Variants in TMEM242 observed in about 807,000 individuals in gnomAD.
TMEM242 encodes the protein UPF0463 transmembrane protein C6orf35.
A neutral mutation model predicts 18.2 loss-of-function variants in TMEM242; 10 were observed. That is an observed-to-expected ratio of 0.55 (90% CI 0.34 to 0.93). The LOEUF (loss-of-function observed/expected upper bound fraction) is 0.93. TMEM242 is among the 40% of genes least tolerant of loss of function. The pLI is 0.02. For missense variants in TMEM242, 186 were observed against 175.5 expected, an observed-to-expected ratio of 1.06 and a Z score of -0.34; for synonymous variants, 57 against 69.9, an observed-to-expected ratio of 0.81 and a Z score of 0.92.
chr6:157,300,921 A>C (rs782548157), intron 3 of TMEM242, among the ~76,000 whole-genome samples: 8 of 152,204 alleles, frequency 5.3e-5, no homozygotes, highest in Non-Finnish European at 1.2e-4. Flanking sequence ...AAATCAGATT[A>C]TTGACCAAAG....
Position 157,321,906 on chromosome 6 carries a change from C to G in TMEM242, c.189+799G>C, listed in dbSNP as rs193028566. Among the ~76,000 whole-genome samples the G allele has an allele frequency of 3.6e-3, 555 of 152,208 alleles. 1 individual carries two copies. The highest frequency in any genetic ancestry group is 0.01 in the Middle Eastern group (3 of 294). The stretch of plus-strand genomic sequence containing the variant: ...ATAGAGAGAAAATGACCCACAAGGT[C>G]CATAGCAGTGATTTAGGAAGCTCCA... On this transcript the variant is annotated intron_variant, in intron 2 of 3. Coordinates refer to ENST00000400788, the MANE Select transcript of TMEM242 (RefSeq NM_018452.6).
At chr6:157,294,505 T>C (rs994898449) in intron 3 of TMEM242, among the ~76,000 whole-genome samples, 16 of 151,340 alleles carry the variant, frequency 1.1e-4, no homozygotes, top group African/African-American at 3.9e-4. Flanking sequence ...CGCCCGCCAC[T>C]ACGCCCGGCT....
At chr6:157,302,459 C>T (rs1011387126) in intron 3 of TMEM242, among the ~76,000 whole-genome samples, 4 of 152,186 alleles carry the variant, frequency 2.6e-5, no homozygotes, top group Non-Finnish European at 4.4e-5. Flanking sequence ...TTCTTTCTAT[C>T]GTTTGAACCT....
intron 3 of TMEM242, among the ~76,000 whole-genome samples, chr6:157,307,585 G>C (rs1336117796): frequency 6.6e-6 from 1 of 152,168 alleles, no homozygotes; most frequent in Non-Finnish European, 1.5e-5. Flanking sequence ...GTCCACATAT[G>C]CATCAAGTGC....
chr6:157,298,339 A>T (rs587757800), intron 3 of TMEM242, among the ~76,000 whole-genome samples: 1 of 152,214 alleles, frequency 6.6e-6, no homozygotes, highest in African/African-American at 2.4e-5. Flanking sequence ...GGCCAAACAA[A>T]CAACAGTAAC....
intron 3 of TMEM242, among the ~76,000 whole-genome samples, chr6:157,317,489 G>T (rs1554250452): frequency 6.6e-6 from 1 of 152,170 alleles, no homozygotes; most frequent in Non-Finnish European, 1.5e-5. Flanking sequence ...GAGTCCCCAA[G>T]AGTTCCTTCC....
At chr6:157,312,774 G>A (rs1469321669) in intron 3 of TMEM242, among the ~76,000 whole-genome samples, 30 of 4,826 alleles carry the variant, frequency 6.2e-3, no homozygotes, top group Admixed American at 8.4e-3. Context: ...CACAGTGTGC[G>A]CTCACCTAGC....
intron 3 of TMEM242, among the ~76,000 whole-genome samples, chr6:157,301,007 G>A (rs1777822108): frequency 6.6e-6 from 1 of 152,134 alleles, no homozygotes; most frequent in Non-Finnish European, 1.5e-5. Context: ...GCAATCTTAA[G>A]AACTAAATTC....
chr6:157,320,869 T>G (rs1356094438), intron 2 of TMEM242, among the ~76,000 whole-genome samples: 1 of 152,230 alleles, frequency 6.6e-6, no homozygotes, highest in Non-Finnish European at 1.5e-5. Flanking sequence ...TGCCAAATAT[T>G]CTTTCAAGTA....
chr6:157,307,579 A>T (rs1228090569), intron 3 of TMEM242, among the ~76,000 whole-genome samples: 4 of 152,152 alleles, frequency 2.6e-5, no homozygotes, highest in African/African-American at 4.8e-5. Context: ...CTGCTTGTCC[A>T]CATATGCATC....
At position 157,289,108 on chromosome 6, in the gene TMEM242, G is replaced by T. The variant is rs1777650178; in HGVS notation, c.*3793C>A. ...CCTCATCAAACAGTAATGAAACAAA[G>T]GCCTCGAGCCAGCTTCTCTAAGAAA... On this transcript the variant is annotated 3_prime_UTR_variant, in exon 4 of 4. Coordinates refer to ENST00000400788, the MANE Select transcript of TMEM242 (RefSeq NM_018452.6). Among the ~76,000 whole-genome samples the T allele has an allele frequency of 1.3e-5, 2 of 149,896 alleles. No individual in the cohort carries two copies. Among genetic ancestry groups the T allele is most frequent in the South Asian group, 2.1e-4 (1 of 4,766 alleles).
chr6:157,311,129 TC>T (rs1778051837), intron 3 of TMEM242, among the ~76,000 whole-genome samples: 7 of 146,768 alleles, frequency 4.8e-5, no homozygotes, highest in African/African-American at 1.5e-4. Flanking sequence ...CCTAGCCCCA[TC>T]ATAGTGTCCC....
In TMEM242 at chr6:157,290,307, T is replaced by G. The variant is rs1777669173; in HGVS notation, c.*2594A>C. The G allele has an allele frequency of 6.6e-6, 1 of 152,234 alleles. No homozygotes were observed. Among genetic ancestry groups the G allele is most frequent in the African/African-American group, 2.4e-5 (1 of 41,444 alleles). 9.4% of individuals were successfully genotyped at this position (152,234 alleles called of 1,614,324 possible). A position where few individuals can be genotyped will look rare whatever the true frequency, so the allele number is the denominator to read the frequency against. ...TATCCATCCTTTAAAGCATTTCTAG[T>G]GCTCAGCCTCCATGAAATGGATTGC... On this transcript the variant is annotated 3_prime_UTR_variant, in exon 4 of 4. Coordinates refer to ENST00000400788, the MANE Select transcript of TMEM242 (RefSeq NM_018452.6).
chr6:157,296,521 A>C (rs782811844), intron 3 of TMEM242, among the ~76,000 whole-genome samples: 48 of 152,220 alleles, frequency 3.2e-4, no homozygotes, highest in Non-Finnish European at 6.5e-4. Flanking sequence ...CGTCTCTACT[A>C]AAAATACAAA....
rs1777687234 is a variant in TMEM242 at position 157,291,740 on chromosome 6, T to C, written c.*1161A>G. The C allele has an allele frequency of 6.7e-6, 1 of 149,648 alleles. No homozygotes were observed. Among genetic ancestry groups the C allele is most frequent in the Non-Finnish European group, 1.5e-5 (1 of 67,330 alleles). The allele number at this position is 149,648 out of a possible 1,614,324, so 9.3% of individuals were successfully genotyped here. On this transcript the variant is annotated 3_prime_UTR_variant, in exon 4 of 4. Transcript: ENST00000400788. Reference sequence around the variant, plus strand: ...AAGTTCTTGTCATTTCATTTAAAAATCTCCCTTAGAATAAAAGGTTTCATG... The same window carrying C: ...AAGTTCTTGTCATTTCATTTAAAAACCTCCCTTAGAATAAAAGGTTTCATG...
intron 3 of TMEM242, among the ~76,000 whole-genome samples, chr6:157,312,524 G>A (rs1778194317): frequency 3.7e-5 from 5 of 135,078 alleles, no homozygotes; most frequent in African/African-American, 8.3e-5. Flanking sequence ...TCATCATACC[G>A]CCCCAGTGTG....
chr6:157,313,132 T>C (rs1554249632), intron 3 of TMEM242, among the ~76,000 whole-genome samples: 1 of 123,992 alleles, frequency 8.1e-6, no homozygotes, highest in African/African-American at 3.2e-5. Context: ...GGCCTCATCA[T>C]AGTGTCCCAG....
chr6:157,299,483 T>G (rs1777796967), intron 3 of TMEM242: 2 of 1,416,376 alleles, frequency 1.4e-6, no homozygotes, highest in Admixed American at 3.4e-5. Flanking sequence ...ACCAAGCTTT[T>G]GTCCAAACAA....
At chr6:157,299,956 AGCGGGC>A in intron 3 of TMEM242, 1 of 1,577,606 alleles carries the variant, frequency 6.3e-7, no homozygotes, top group Middle Eastern at 2.1e-4. Flanking sequence ...TACTGTGATG[AGCGGGC>A]TCCTCGGAAG....
Sources: allele counts gnomAD v4.1 joint callset (sites outside exome capture counted in the v4.1 genomes callset), GRCh38; gene constraint gnomAD v4.1.1; transcripts MANE v1.5; gene names NCBI Gene and HGNC (gene_info 2026-07-23, HGNC 2026-07-21).